Variants in HIVEP3 observed in about 807,000 individuals in gnomAD.
The protein encoded by HIVEP3 is transcription factor HIVEP3.
HIVEP3 carries 49 observed loss-of-function variants against 152.8 expected under a neutral mutation model. The observed-to-expected ratio is 0.32, with a 90% CI of 0.26 to 0.41. HIVEP3 has a LOEUF of 0.41. HIVEP3 is among the 10% of genes least tolerant of loss of function. The pLI, the probability that HIVEP3 is intolerant of heterozygous loss-of-function variation, is 1.00. For synonymous variants in HIVEP3, 1,269 were observed against 1,289.0 expected (o/e 0.98, Z 0.33); for missense variants, 2,790 against 3,103.3 (o/e 0.90, Z 2.40).
rs976006171 is a variant in HIVEP3, at chr1:41,533,548, C to T, written c.5208-8638G>A. On this transcript the variant is annotated intron_variant, in intron 5 of 8. Coordinates refer to ENST00000372583, the MANE Select transcript of HIVEP3 (RefSeq NM_024503.5). The surrounding 1 kb of genome is among the most constrained non-coding windows in gnomAD (Gnocchi z 4.3). Reference sequence around the variant, plus strand: ...GCTTTTGAGCCGCTGCAGCCCAGCTCTGATGACCAACTGTTCTTGCCAAGG... The same window carrying T: ...GCTTTTGAGCCGCTGCAGCCCAGCTTTGATGACCAACTGTTCTTGCCAAGG... Among the ~76,000 whole-genome samples the T allele has an allele frequency of 1.3e-5, 2 of 152,124 alleles. No individual in the cohort carries two copies. The highest frequency in any genetic ancestry group is 2.9e-5 in the Non-Finnish European group (2 of 68,026).
intron 5 of HIVEP3, chr1:41,542,746 C>T (rs914970797): frequency 6.5e-6 from 1 of 153,792 alleles, no homozygotes; most frequent in South Asian, 2.0e-4. Context: ...TTTCAGCTTC[C>T]AAACTTTGAC....
At chr1:41,929,703 TGTGA>T (rs1439516005) in intron 1 of HIVEP3, among the ~76,000 whole-genome samples, 4 of 142,504 alleles carry the variant, frequency 2.8e-5, no homozygotes, top group African/African-American at 5.1e-5. Flanking sequence ...AGTGTATATG[TGTGA>T]GTGTGTGTAT....
Position 41,513,056 on chromosome 1 carries a change from G to C in HIVEP3, c.6165C>G (p.Leu2055=), listed in dbSNP as rs779779392. The C allele has an allele frequency of 6.2e-7, 1 of 1,613,704 alleles. No individual in the cohort carries two copies. Among genetic ancestry groups the C allele is most frequent in the Non-Finnish European group, 8.5e-7 (1 of 1,179,988 alleles). The change falls in exon 8 of 9, where the codon CTC becomes CTG. Residue 2055 remains leucine, a synonymous_variant. Transcript: ENST00000372583. ...LAPRAHVLSK[L]EGTTDPGLPR... ...GGAGGCCTGGGTCGGTGGTACCCTC[G>C]AGTTTGGAGAGCACATGTGCTCGAG... is the stretch of plus-strand genomic sequence containing the variant.
intron 1 of HIVEP3, among the ~76,000 whole-genome samples, chr1:41,951,041 C>A (rs1183627841): frequency 6.6e-6 from 1 of 152,180 alleles, no homozygotes; most frequent in Non-Finnish European, 1.5e-5. Context: ...CCCCTAGTTT[C>A]TGCTCCTGAC....
chr1:41,880,236 T>G (rs1644240117), intron 1 of HIVEP3, among the ~76,000 whole-genome samples: 1 of 152,020 alleles, frequency 6.6e-6, no homozygotes, highest in Non-Finnish European at 1.5e-5. Flanking sequence ...GATGGGGGTC[T>G]CCCTATGTTG....
In HIVEP3 at chr1:41,584,025, A is replaced by T. The variant is rs755514168; in HGVS notation, c.773T>A (p.Met258Lys). 1.9e-6 allele frequency: 3 copies of T among 1,614,136 alleles called. No homozygotes were observed. Among genetic ancestry groups the T allele is most frequent in the Non-Finnish European group, 2.5e-6 (3 of 1,180,008 alleles). Residue 258 changes from methionine to lysine, a missense_variant, in exon 4 of 9, where the codon ATG becomes AAG. Met to Lys is a moderately conservative substitution (Grantham distance 95). This residue lies in a region of HIVEP3 where 125 missense variants were observed against 130.1 expected (regional missense o/e 0.96). Coordinates refer to ENST00000372583, the MANE Select transcript of HIVEP3 (RefSeq NM_024503.5). This position sits in a 1 kb window ranked among gnomAD's most constrained non-coding sequence, Gnocchi z 5.2. ...CTCCATCTCCAGCCCATGTGGGTACATCTCGCCACCCATGCCTGAGGCCAG... is the reference window on the plus strand; with the variant it reads ...CTCCATCTCCAGCCCATGTGGGTACTTCTCGCCACCCATGCCTGAGGCCAG... ...AGLASGMGGE[M>K]YPHGLEMERI...
chr1:41,810,427 A>C (rs921471417), intron 1 of HIVEP3, among the ~76,000 whole-genome samples: 6 of 152,194 alleles, frequency 3.9e-5, no homozygotes, highest in African/African-American at 7.2e-5. Context: ...AGAAGACTCC[A>C]TCCAGAGAGA....
At chr1:41,914,087 G>A (rs534425080) in intron 1 of HIVEP3, among the ~76,000 whole-genome samples, 35 of 152,038 alleles carry the variant, frequency 2.3e-4, no homozygotes, top group Non-Finnish European at 4.9e-4. Context: ...GCTGCACCTG[G>A]CATTTCAAAA....
Position 41,511,134 on chromosome 1 carries a change from G to A in HIVEP3, c.6538C>T (p.Leu2180=), listed in dbSNP as rs1394377979. ...ARTEENIFSH[L]PLHSQHLTRA... ...GTCAAGTGCTGGGAGTGCAGAGGCA[G>A]GTGGCTGAAGATGTTCTCCTCTGTC... Residue 2180 remains leucine, a synonymous_variant, in exon 9 of 9, where the codon CTG becomes TTG. Transcript: ENST00000372583. This position sits in a 1 kb window ranked among gnomAD's most constrained non-coding sequence, Gnocchi z 4.9. The A allele has an allele frequency of 6.2e-7, 1 of 1,614,088 alleles. No individual in the cohort carries two copies. The highest frequency in any genetic ancestry group is 8.5e-7 in the Non-Finnish European group (1 of 1,180,030).
intron 1 of HIVEP3, among the ~76,000 whole-genome samples, chr1:41,972,355 C>T (rs888201996): frequency 2.6e-5 from 4 of 152,316 alleles, no homozygotes; most frequent in Non-Finnish European, 5.9e-5. Context: ...GGTCCAGGAA[C>T]CATTAGGAGC....
At chr1:41,737,558 A>G (rs941760921) in intron 1 of HIVEP3, among the ~76,000 whole-genome samples, 1 of 152,232 alleles carries the variant, frequency 6.6e-6, no homozygotes, top group Non-Finnish European at 1.5e-5. Flanking sequence ...TTGTCCCACC[A>G]GCTGCTAAAC....
chr1:42,022,377 T>A (rs531441663), intron 1 of HIVEP3, among the ~76,000 whole-genome samples: 41 of 152,266 alleles, frequency 2.7e-4, no homozygotes, highest in African/African-American at 9.6e-4. Context: ...TTCCTGCCCA[T>A]AAACTTACCC....
At chr1:41,939,870 G>C (rs889116516) in intron 1 of HIVEP3, among the ~76,000 whole-genome samples, 3 of 151,508 alleles carry the variant, frequency 2.0e-5, no homozygotes, top group Non-Finnish European at 4.4e-5. Context: ...CCAAATCATT[G>C]TTTTTATTTC....
At chr1:41,883,398 C>A (rs1644293309) in intron 1 of HIVEP3, among the ~76,000 whole-genome samples, 2 of 152,192 alleles carry the variant, frequency 1.3e-5, no homozygotes, top group Non-Finnish European at 2.9e-5. Context: ...TCCCACCACC[C>A]TTCCCCTAAG....
chr1:41,879,991 T>C (rs1644235228), intron 1 of HIVEP3, among the ~76,000 whole-genome samples: 1 of 152,168 alleles, frequency 6.6e-6, no homozygotes, highest in Non-Finnish European at 1.5e-5. Context: ...TAGATATTAT[T>C]AGTGTGCCCA....
intron 5 of HIVEP3, among the ~76,000 whole-genome samples, chr1:41,551,608 A>T (rs529814901): frequency 1.1e-3 from 165 of 152,186 alleles, no homozygotes; most frequent in Admixed American, 2.3e-3. Flanking sequence ...TAGTCTTGGG[A>T]GGGTGTATGT....
chr1:41,598,728 G>A (rs1299116113), intron 3 of HIVEP3, among the ~76,000 whole-genome samples: 1 of 152,088 alleles, frequency 6.6e-6, no homozygotes, highest in African/African-American at 2.4e-5. Context: ...GTATAGTATC[G>A]ATACAAAGAG....
chr1:41,750,403 T>C (rs1647141051), intron 1 of HIVEP3, among the ~76,000 whole-genome samples: 2 of 152,224 alleles, frequency 1.3e-5, no homozygotes, highest in African/African-American at 4.8e-5. Context: ...ATTCTCTAAG[T>C]GAGCCCACTC....
At chr1:41,989,260 T>TA (rs1645342504) in intron 1 of HIVEP3, among the ~76,000 whole-genome samples, 1 of 152,202 alleles carries the variant, frequency 6.6e-6, no homozygotes, top group African/African-American at 2.4e-5. Context: ...TTAATGGGTA[T>TA]GTTAATTAGC....
Sources: gnomAD v4.1 joint callset for allele counts (sites outside exome capture counted in the v4.1 genomes callset) on GRCh38, gnomAD v4.1.1 for gene constraint, gnomAD v4.1.1 regional missense constraint, Gnocchi (gnomAD v3.1) non-coding constraint, MANE v1.5 for transcripts, NCBI Gene and HGNC (gene_info 2026-07-23, HGNC 2026-07-21) for gene names.